Variants in BAIAP2 observed in about 807,000 individuals in gnomAD.
BAIAP2 encodes BAR/IMD domain-containing adapter protein 2.
Under a neutral mutation model 63.0 loss-of-function variants are expected in BAIAP2, and 18 were observed. The observed-to-expected ratio is 0.29, with a 90% CI of 0.20 to 0.42. The LOEUF (loss-of-function observed/expected upper bound fraction) is 0.42. Ranked by LOEUF, BAIAP2 falls within the 10% of genes least tolerant of loss-of-function variation. BAIAP2 has a pLI of 1.00. For missense variants in BAIAP2, 610 were observed against 734.3 expected, an observed-to-expected ratio of 0.83 and a Z score of 1.96; for synonymous variants, 386 against 307.6, an observed-to-expected ratio of 1.25 and a Z score of -2.67.
intron 1 of BAIAP2, 41 bp downstream of exon 1, chr17:81,035,349 C>T (rs1181424663): frequency 2.4e-6 from 3 of 1,255,184 alleles, no homozygotes; most frequent in Non-Finnish European, 3.0e-6. Flanking sequence ...GCTCCGTGTG[C>T]GCCTGGGTCG....
chr17:81,066,030 A>G (rs955133303), intron 3 of BAIAP2, among the ~76,000 whole-genome samples: 4 of 152,210 alleles, frequency 2.6e-5, no homozygotes, highest in South Asian at 2.1e-4. Context: ...CAGCCTGTCT[A>G]TCTGGGGCCC....
In BAIAP2 at chr17:81,106,130, G is replaced by A. The variant is rs1345796272; in HGVS notation, c.1321G>A (p.Asp441Asn). The change falls in exon 11 of 14, where the codon GAC becomes AAC. Residue 441 changes from aspartate to asparagine, a missense_variant. Physicochemically the swap from Asp to Asn is conservative, Grantham distance 23 (BLOSUM62 1). This residue lies in a region of BAIAP2 where 29 missense variants were observed against 23.2 expected (regional missense o/e 1.25). Transcript: ENST00000428708. ...CCGGGTCTTGGACAGCGATGGCAGT[G>A]ACAGGCTGCACATGAGGTGAGCTCT... ...YTRVLDSDGS[D>N]RLHMSLQQGK... is the part of the protein sequence containing the mutation. 7 of 1,583,424 alleles carry A rather than the reference G, an allele frequency of 4.4e-6. No homozygotes were observed. Among genetic ancestry groups the A allele is most frequent in the Non-Finnish European group, 6.0e-6 (7 of 1,164,574 alleles).
intron 6 of BAIAP2, among the ~76,000 whole-genome samples, chr17:81,098,722 G>A (rs1173710184): frequency 2.0e-5 from 3 of 152,196 alleles, no homozygotes; most frequent in Admixed American, 6.5e-5. Flanking sequence ...TTTCTGGGCC[G>A]ACTGTGTGTC....
chr17:81,092,695 G>T (rs188322914), intron 6 of BAIAP2, among the ~76,000 whole-genome samples: 3 of 152,044 alleles, frequency 2.0e-5, no homozygotes, highest in African/African-American at 7.2e-5. Flanking sequence ...CCGGAGCACC[G>T]CCCTGACGGC....
intron 6 of BAIAP2, among the ~76,000 whole-genome samples, chr17:81,095,056 C>T (rs958291192): frequency 1.3e-5 from 2 of 152,248 alleles, no homozygotes; most frequent in Non-Finnish European, 2.9e-5. Flanking sequence ...TCTCTGATCA[C>T]GGGGCTGTTC....
chr17:81,109,456 A>G, intron 13 of BAIAP2: 1 of 987,696 alleles, frequency 1.0e-6, no homozygotes, highest in African/African-American at 1.8e-5. Flanking sequence ...ACCGATCTGC[A>G]TGGACTCCGG....
chr17:81,115,121 G>A (rs1249003649), intron 13 of BAIAP2, among the ~76,000 whole-genome samples: 2 of 152,244 alleles, frequency 1.3e-5, no homozygotes, highest in Non-Finnish European at 2.9e-5. Flanking sequence ...AGTCGTATTT[G>A]TGCATCAGCT....
At chr17:81,108,314 G>C (rs916884799) in intron 12 of BAIAP2, 161 bp from the exon 13 acceptor site, 6 of 709,220 alleles carry the variant, frequency 8.5e-6, no homozygotes, top group Non-Finnish European at 1.4e-5. Flanking sequence ...GCTCCAGGCA[G>C]GTCTCTGAGT....
Position 81,107,027 on chromosome 17 carries a change from A to G in BAIAP2, c.1500+120A>G, listed in dbSNP as rs2059266520. On this transcript the variant is annotated intron_variant, in intron 12 of 13. Coordinates refer to ENST00000428708, the MANE Select transcript of BAIAP2 (RefSeq NM_001144888.2). ...CGCCTGGGGGTCTGGGTCTTTGGAC[A>G]GCCCTGGGGTGAAGGCTGCATGATT... 2.5e-6 allele frequency: 3 copies of G among 1,212,798 alleles called. No homozygotes were observed. In the African/African-American group the frequency reaches 4.7e-5, roughly 19 times the overall value. The allele number at this position is 1,212,798 out of a possible 1,614,324, so 75.1% of individuals were successfully genotyped here.
intron 1 of BAIAP2, chr17:81,036,714 A>C (rs2046319431): frequency 1.6e-5 from 11 of 670,688 alleles, no homozygotes; most frequent in East Asian, 2.7e-5. Flanking sequence ...TGGGAAAGGC[A>C]CAGGCCCTGG....
chr17:81,062,084 AG>A (rs1435424618), intron 3 of BAIAP2, among the ~76,000 whole-genome samples: 1 of 152,062 alleles, frequency 6.6e-6, no homozygotes, highest in African/African-American at 2.4e-5. Context: ...CTGGCATTAT[AG>A]GCACCGGCCA....
chr17:81,104,306 C>T (rs2058864297), intron 9 of BAIAP2, among the ~76,000 whole-genome samples, 198 bp downstream of exon 9: 2 of 152,324 alleles, frequency 1.3e-5, no homozygotes, highest in South Asian at 4.1e-4. Flanking sequence ...CTCTGGTGCT[C>T]AGTGGGGGCA....
At chr17:81,049,434 G>A (rs887170621) in intron 1 of BAIAP2, among the ~76,000 whole-genome samples, 2 of 152,286 alleles carry the variant, frequency 1.3e-5, no homozygotes, top group Non-Finnish European at 1.5e-5. Flanking sequence ...TTTCTTGTGC[G>A]GTTTCTCTCT....
At chr17:81,063,468 C>T (rs1405991791) in intron 3 of BAIAP2, among the ~76,000 whole-genome samples, 1 of 152,212 alleles carries the variant, frequency 6.6e-6, no homozygotes, top group Non-Finnish European at 1.5e-5. Context: ...TCTGGATGAG[C>T]TCGAGGCCCA....
chr17:81,104,647 C>G lies in BAIAP2; in HGVS notation c.1200C>G (p.Asp400Glu), dbSNP rs751045704. Residue 400 changes from aspartate (D) to glutamate (E), a missense_variant, in exon 10 of 14, where the codon GAC (aspartate) becomes GAG (glutamate). Asp to Glu is a conservative substitution (Grantham distance 45). Transcript: ENST00000428708. ...CCCTCCTGAGCTTCAAGGAGGGTGA[C>G]CTCATTACCCTGCTGGTGCCTGAGG... is the stretch of plus-strand genomic sequence containing the variant. ...NSTLLSFKEG[D>E]LITLLVPEAR... 6.2e-7 allele frequency: 1 copy of G among 1,609,512 alleles called. No individual in the cohort carries two copies. Among genetic ancestry groups the G allele is most frequent in the Non-Finnish European group, 8.5e-7 (1 of 1,178,572 alleles).
chr17:81,104,770 G>A, intron 10 of BAIAP2, 55 bp downstream of exon 10: 2 of 1,495,916 alleles, frequency 1.3e-6, no homozygotes, highest in Non-Finnish European at 1.8e-6. Flanking sequence ...GCAAGTGTGT[G>A]GGGCAGCGAC....
rs570456868 is a variant in BAIAP2 at position 81,079,676 on chromosome 17, C to T, written c.218-5156C>T. 2.0e-4 allele frequency among the ~76,000 whole-genome samples: 30 copies of T among 152,334 alleles called. No homozygotes were observed. In the East Asian group the frequency reaches 2.9e-3, roughly 15 times the overall value. The stretch of plus-strand genomic sequence containing the variant: ...CACCTGCTTTCCATCACCCCCAACA[C>T]CCCAGATCCCCGGATCCTTCTGATG... On this transcript the variant is annotated intron_variant, in intron 3 of 13. Transcript: ENST00000428708.
At chr17:81,052,674 C>T (rs2048855949) in intron 1 of BAIAP2, among the ~76,000 whole-genome samples, 1 of 152,188 alleles carries the variant, frequency 6.6e-6, no homozygotes, top group Non-Finnish European at 1.5e-5. Context: ...CCCTAAATGC[C>T]CTTTCTATCT....
intron 6 of BAIAP2, among the ~76,000 whole-genome samples, chr17:81,089,702 C>G (rs1207671363): frequency 6.6e-6 from 1 of 152,168 alleles, no homozygotes; most frequent in African/African-American, 2.4e-5. Context: ...CCCCGGAGCC[C>G]GGCAGGGTCA....
Sources: allele counts gnomAD v4.1 joint callset (sites outside exome capture counted in the v4.1 genomes callset), GRCh38; gene constraint gnomAD v4.1.1; regional missense constraint gnomAD v4.1.1; transcripts MANE v1.5; gene names NCBI Gene and HGNC (gene_info 2026-07-23, HGNC 2026-07-21).